Variants in OR2A7 observed in about 807,000 individuals in gnomAD.
OR2A7 encodes the protein olfactory receptor family 2 subfamily A member 7.
For missense variants in OR2A7, 35 were observed against 359.2 expected (o/e 0.10, Z 7.30); for synonymous variants, 10 against 147.1 (o/e 0.07, Z 6.74).
intron 1 of OR2A7, among the ~76,000 whole-genome samples, chr7:144,261,694 CATATT>C (rs1415992334): frequency 6.6e-6 from 1 of 150,960 alleles, no homozygotes; most frequent in Non-Finnish European, 1.5e-5. Context: ...ATATTTTAGT[CATATT>C]ATCCTATTAT....
chr7:144,259,935 C>T (rs1321805718), intron 1 of OR2A7, among the ~76,000 whole-genome samples: 2 of 135,476 alleles, frequency 1.5e-5, no homozygotes, highest in African/African-American at 5.4e-5. Context: ...CGGTGAAACC[C>T]CATTTCTACT....
At chr7:144,264,635 A>C (rs1289579048) in intron 1 of OR2A7, 66 bp downstream of exon 1, 1 of 151,678 alleles carries the variant, frequency 6.6e-6, no homozygotes, top group East Asian at 1.9e-4. Flanking sequence ...AGGCAAGTCC[A>C]TCAAGAGGTA....
chr7:144,264,603 A>C (rs2052681431), intron 1 of OR2A7, 98 bp downstream of exon 1: 1 of 151,748 alleles, frequency 6.6e-6, no homozygotes, highest in Non-Finnish European at 1.5e-5. Context: ...TTATTAAAAA[A>C]AGTTAACTGC....
intron 1 of OR2A7, among the ~76,000 whole-genome samples, chr7:144,260,495 C>T (rs1264614210): frequency 5.3e-5 from 8 of 151,614 alleles, no homozygotes; most frequent in Admixed American, 6.6e-5. Flanking sequence ...TAATTAAGGG[C>T]GGGCTATACT....
At chr7:144,261,264 T>C (rs2052643205) in intron 1 of OR2A7, among the ~76,000 whole-genome samples, 1 of 151,698 alleles carries the variant, frequency 6.6e-6, no homozygotes, top group African/African-American at 2.4e-5. Context: ...CTCGTAAGAT[T>C]GTGCGTAATA....
rs2052674153 is a variant in OR2A7 at position 144,264,146 on chromosome 7, T to C, written c.-5+555A>G. Among the ~76,000 whole-genome samples, 4 of 151,838 alleles carry C rather than the reference T, an allele frequency of 2.6e-5. No individual in the cohort carries two copies. The Admixed American group carries it at 2.7e-4, about 10-fold the overall frequency. ...TGTAGCACAATGCATTACTTACATG[T>C]TTGTGGGATTGCTGCTGTAAACAAT... On this transcript the variant is annotated intron_variant, in intron 1 of 1. Coordinates refer to ENST00000641841, the MANE Select transcript of OR2A7 (RefSeq NM_001005328.2).
chr7:144,264,116 AAT>A (rs2052673759), intron 1 of OR2A7, among the ~76,000 whole-genome samples: 1 of 151,528 alleles, frequency 6.6e-6, no homozygotes, highest in South Asian at 2.1e-4. Context: ...TAGCCGTAAT[AAT>A]ATTGTAGCAC....
chr7:144,262,705 C>CTTTT (rs879312078), intron 1 of OR2A7, among the ~76,000 whole-genome samples: 18 of 92,612 alleles, frequency 1.9e-4, no homozygotes, highest in African/African-American at 6.1e-4. Context: ...TGAAAATTTT[C>CTTTT]TTTTTTTTTT....
chr7:144,260,742 CG>C (rs1441862386), intron 1 of OR2A7, among the ~76,000 whole-genome samples: 1 of 151,800 alleles, frequency 6.6e-6, no homozygotes, highest in African/African-American at 2.4e-5. Context: ...TATCTAAACA[CG>C]AAAACAGGAT....
rs1340276555 is a variant in OR2A7, at chr7:144,261,491, G to T, written c.-4-1859C>A. Among the ~76,000 whole-genome samples, 8 of 151,444 alleles carry T rather than the reference G, an allele frequency of 5.3e-5. No homozygotes were observed. The South Asian group carries it at 1.7e-3, about 31-fold the overall frequency. On this transcript the variant is annotated intron_variant, in intron 1 of 1. Coordinates refer to ENST00000641841, the MANE Select transcript of OR2A7 (RefSeq NM_001005328.2). ...TCTCTTTTAAAAAATTTTTAAAATA[G>T]TAATTATATGAAAAAAAAATTTTAA...
At chr7:144,261,269 G>A (rs1246746757) in intron 1 of OR2A7, among the ~76,000 whole-genome samples, 14 of 151,544 alleles carry the variant, frequency 9.2e-5, no homozygotes, top group South Asian at 8.3e-4. Context: ...AAGATTGTGC[G>A]TAATAAGTAA....
At chr7:144,260,742 C>T (rs1302136269) in intron 1 of OR2A7, among the ~76,000 whole-genome samples, 5 of 151,798 alleles carry the variant, frequency 3.3e-5, no homozygotes, top group Admixed American at 6.6e-5. Context: ...TATCTAAACA[C>T]GAAAACAGGA....
rs771196971 is a variant in OR2A7 at position 144,258,833 on chromosome 7, G to A, written c.796C>T (p.Pro266Ser). The change falls in exon 2 of 2, where the codon CCC becomes TCC. Residue 266 changes from proline (P) to serine (S), a missense_variant. Coordinates refer to ENST00000641841, the MANE Select transcript of OR2A7 (RefSeq NM_001005328.2). The stretch of plus-strand genomic sequence containing the variant: ...AGGAGATATTTCTTCTGCTCCTTGG[G>A]GTTCCCATATCTGGGTCCAACATAC... ...IMYVGPRYGNPKEQKKYLLLF... is the reference protein window; with the variant it reads ...IMYVGPRYGNSKEQKKYLLLF... 6.2e-7 allele frequency: 1 copy of A among 1,613,288 alleles called. No homozygotes were observed. The highest frequency in any genetic ancestry group is 8.5e-7 in the Non-Finnish European group (1 of 1,179,844).
At chr7:144,259,974 C>T (rs1301222436) in intron 1 of OR2A7, among the ~76,000 whole-genome samples, 1 of 131,064 alleles carries the variant, frequency 7.6e-6, no homozygotes, top group African/African-American at 2.8e-5. Flanking sequence ...CCCGGCGTGG[C>T]GGCGTGTACC....
chr7:144,261,887 A>C (rs2052652487), intron 1 of OR2A7, among the ~76,000 whole-genome samples: 1 of 152,004 alleles, frequency 6.6e-6, no homozygotes, highest in African/African-American at 2.4e-5. Context: ...GCTGTGTAAG[A>C]ACCTAGATAA....
chr7:144,260,635 A>C (rs2052632982), intron 1 of OR2A7, among the ~76,000 whole-genome samples: 1 of 151,944 alleles, frequency 6.6e-6, no homozygotes. Context: ...GTAAAGACTT[A>C]TTTTTTAGCC....
intron 1 of OR2A7, among the ~76,000 whole-genome samples, chr7:144,260,193 T>A (rs1298668004): frequency 8.4e-5 from 12 of 142,168 alleles, no homozygotes; most frequent in African/African-American, 2.7e-4. Context: ...GTTAATTTTT[T>A]AATAAAGGCT....
intron 1 of OR2A7, among the ~76,000 whole-genome samples, chr7:144,260,589 CA>C (rs1264934000): frequency 6.6e-6 from 1 of 151,974 alleles, no homozygotes; most frequent in African/African-American, 2.4e-5. Context: ...ATCACCTCCA[CA>C]GCAAATATCT....
intron 1 of OR2A7, among the ~76,000 whole-genome samples, chr7:144,261,366 GGT>G (rs1191547097): frequency 6.7e-6 from 1 of 149,270 alleles, no homozygotes; most frequent in East Asian, 1.9e-4. Context: ...GGCTATGCTT[GGT>G]GTCTCATGCC....
Sources: allele counts gnomAD v4.1 joint callset (sites outside exome capture counted in the v4.1 genomes callset), GRCh38; gene constraint gnomAD v4.1.1; transcripts MANE v1.5; gene names NCBI Gene and HGNC (gene_info 2026-07-23, HGNC 2026-07-21).